The following MINK1 variants were observed in gnomAD, a reference collection of about 807,000 sequenced individuals.
MINK1 encodes misshapen-like kinase 1.
Under a neutral mutation model 178.4 loss-of-function variants are expected in MINK1, and 46 were observed. The ratio of observed to expected loss-of-function variants is 0.26; its 90% confidence interval spans 0.20 to 0.33. The LOEUF (loss-of-function observed/expected upper bound fraction) is 0.33, where lower values mean the gene tolerates loss of function less well. Ranked by LOEUF, MINK1 falls within the 10% of genes least tolerant of loss-of-function variation. The pLI, the probability that MINK1 is intolerant of heterozygous loss-of-function variation, is 1.00. For synonymous variants in MINK1, 797 were observed against 709.7 expected, an observed-to-expected ratio of 1.12 and a Z score of -1.96; for missense variants, 1,366 against 1,814.9, an observed-to-expected ratio of 0.75 and a Z score of 4.49.
At position 4,892,194 on chromosome 17, in the gene MINK1, G is replaced by A; in HGVS notation, c.2047G>A (p.Gly683Arg). ...SSIATALNTS[G>R]AGGSRPAQAV... ...TATCGCCACTGCCCTTAACACCAGT[G>A]GGGCCGGAGGGTCCCGGCCAGCCCA... Residue 683 changes from glycine to arginine, a missense_variant, in exon 17 of 32, where the codon GGG (glycine) becomes AGG (arginine). Gly to Arg is a moderately radical substitution (Grantham distance 125). Transcript: ENST00000355280. 3 of 1,599,668 alleles carry A rather than the reference G, an allele frequency of 1.9e-6. No individual in the cohort carries two copies. The highest frequency in any genetic ancestry group is 2.6e-6 in the Non-Finnish European group (3 of 1,174,144).
At chr17:4,897,177 G>T in intron 31 of MINK1, 27 bp from the exon 32 acceptor site, 1 of 1,604,490 alleles carries the variant, frequency 6.2e-7, no homozygotes, top group Non-Finnish European at 8.5e-7. Context: ...CTCAGCCCTT[G>T]GTGACTTCTT....
Position 4,892,146 on chromosome 17 carries a change from C to T in MINK1, c.2002-3C>T. The T allele has an allele frequency of 6.3e-7, 1 of 1,591,400 alleles. No homozygotes were observed. Among genetic ancestry groups the T allele is most frequent in the Non-Finnish European group, 8.5e-7 (1 of 1,169,666 alleles). ...CTCGCAGCACGTGGACTTCTCTCCA[C>T]AGGTGCCTCAGAGGACCTCATCTAT... On this transcript the variant is annotated splice_region_variant and splice_polypyrimidine_tract_variant and intron_variant, in intron 16 of 31. Coordinates refer to ENST00000355280, the MANE Select transcript of MINK1 (RefSeq NM_153827.5).
In MINK1 at chr17:4,896,618, TGCCCCGAGGTG is replaced by T; in HGVS notation, c.3775+37_3776-39del. 1.9e-6 allele frequency: 3 copies of T among 1,612,524 alleles called. No individual in the cohort carries two copies. The highest frequency in any genetic ancestry group is 2.5e-6 in the Non-Finnish European group (3 of 1,178,952). ...GTGAGCTGCCGCCCTCCCAGCCACA[TGCCCCGAGGTG>T]GCCCCGGGGTGCAGCCTGCTCAGCC... On this transcript the variant is annotated intron_variant, in intron 30 of 31. Transcript: ENST00000355280. The surrounding 1 kb of genome is among the most constrained non-coding windows in gnomAD (Gnocchi z 4.6).
Position 4,885,110 on chromosome 17 carries a change from G to A in MINK1, c.508+108G>A, listed in dbSNP as rs1362586333. 2 of 1,008,136 alleles carry A rather than the reference G, an allele frequency of 2.0e-6. No individual in the cohort carries two copies. The highest frequency in any genetic ancestry group is 2.9e-5 in the South Asian group (2 of 68,490). 62.4% of individuals were successfully genotyped at this position (1,008,136 alleles called of 1,614,324 possible). ...TCAGGCCCAACTCCCTTCCTACTGG[G>A]GAGGCTCACTCCCTCCCCTTTCCCC... is the stretch of plus-strand genomic sequence containing the variant. On this transcript the variant is annotated intron_variant, in intron 6 of 31. Coordinates refer to ENST00000355280, the MANE Select transcript of MINK1 (RefSeq NM_153827.5). The surrounding 1 kb of genome is among the most constrained non-coding windows in gnomAD (Gnocchi z 5.0).
In MINK1 at chr17:4,887,307, C is replaced by G; in HGVS notation, c.1019+128C>G. The G allele has an allele frequency of 1.0e-6, 1 of 990,714 alleles. No homozygotes were observed. The highest frequency in any genetic ancestry group is 1.5e-6 in the Non-Finnish European group (1 of 658,324). 61.4% of individuals were successfully genotyped at this position (990,714 alleles called of 1,614,324 possible). The stretch of plus-strand genomic sequence containing the variant: ...CAGAGAGGTAGAGACTCCTGGAAAC[C>G]AAATTTCTGAGTGCTAAGAAGTGGA... On this transcript the variant is annotated intron_variant, in intron 11 of 31. Transcript: ENST00000355280. The surrounding 1 kb of genome is among the most constrained non-coding windows in gnomAD (Gnocchi z 7.6).
In MINK1 at chr17:4,896,861, A is replaced by C; in HGVS notation, c.3915+48A>C. 4 of 1,518,122 alleles carry C rather than the reference A, an allele frequency of 2.6e-6. No homozygotes were observed. The highest frequency in any genetic ancestry group is 1.3e-5 in the South Asian group (1 of 74,930). 94.0% of individuals were successfully genotyped at this position (1,518,122 alleles called of 1,614,324 possible). The stretch of plus-strand genomic sequence containing the variant: ...AAGCCCTGCTGTCCCGGCTGCCATG[A>C]CCCTAGGCCCCTGGGCAGAGTTCTG... On this transcript the variant is annotated intron_variant, in intron 31 of 31. Coordinates refer to ENST00000355280, the MANE Select transcript of MINK1 (RefSeq NM_153827.5). This position sits in a 1 kb window ranked among gnomAD's most constrained non-coding sequence, Gnocchi z 4.6.
In MINK1 at chr17:4,891,801, G is replaced by A. The variant is rs547701574; in HGVS notation, c.2001+85G>A. On this transcript the variant is annotated intron_variant, in intron 16 of 31. Transcript: ENST00000355280. The stretch of plus-strand genomic sequence containing the variant: ...GCAGTGAAGGGGCAGGCCACATGGA[G>A]GAAGAGTGCAGGGCGGGAAGCGAGA... 5.3e-4 allele frequency: 786 copies of A among 1,476,146 alleles called. 1 individual carries two copies. Among genetic ancestry groups the A allele is most frequent in the Non-Finnish European group, 6.8e-4 (760 of 1,110,378 alleles). The allele number at this position is 1,476,146 out of a possible 1,614,324, so 91.4% of individuals were successfully genotyped here.
At chr17:4,866,467 A>C (rs1246386879) in intron 1 of MINK1, among the ~76,000 whole-genome samples, 1 of 151,938 alleles carries the variant, frequency 6.6e-6, no homozygotes, top group Admixed American at 6.6e-5. Flanking sequence ...CTCCGTCTCA[A>C]AATTAAAAAA....
At chr17:4,850,027 G>C (rs1911692019) in intron 1 of MINK1, among the ~76,000 whole-genome samples, 1 of 152,100 alleles carries the variant, frequency 6.6e-6, no homozygotes. Context: ...GCTCACTGCA[G>C]CCTCCTTGAA....
chr17:4,841,218 G>A (rs944799400), intron 1 of MINK1, among the ~76,000 whole-genome samples: 2 of 152,132 alleles, frequency 1.3e-5, no homozygotes, highest in Non-Finnish European at 2.9e-5. Context: ...CTCCGCACGG[G>A]CACTTCCGCC....
intron 4 of MINK1, among the ~76,000 whole-genome samples, chr17:4,881,843 A>G (rs1157654344): frequency 6.6e-6 from 1 of 152,198 alleles, no homozygotes; most frequent in African/African-American, 2.4e-5. Context: ...TGGTGCTGAC[A>G]TGTTCCCCCA....
At chr17:4,890,204 CCACACCCCGT>C in intron 13 of MINK1, 1 of 969,548 alleles carries the variant, frequency 1.0e-6, no homozygotes, top group Non-Finnish European at 1.3e-6. Flanking sequence ...GCCCCCCACC[CCACACCCCGT>C]CCCCCAGGAA....
chr17:4,859,871 A>ACCCTTT (rs1913850580), intron 1 of MINK1, among the ~76,000 whole-genome samples: 1 of 152,126 alleles, frequency 6.6e-6, no homozygotes, highest in Non-Finnish European at 1.5e-5. Flanking sequence ...CTTAAAAAAA[A>ACCCTTT]AACCTTTACC....
At chr17:4,851,089 T>A (rs951998718) in intron 1 of MINK1, 6 of 455,196 alleles carry the variant, frequency 1.3e-5, no homozygotes, top group Non-Finnish European at 2.7e-5. Flanking sequence ...GTTTCTTCTC[T>A]CCTGAACTGC....
At position 4,891,693 on chromosome 17, in the gene MINK1, C is replaced by T. The variant is rs1450189586; in HGVS notation, c.1978C>T (p.Pro660Ser). 1 of 1,602,810 alleles carries T rather than the reference C, an allele frequency of 6.2e-7. No individual in the cohort carries two copies. The highest frequency in any genetic ancestry group is 8.5e-7 in the Non-Finnish European group (1 of 1,175,418). Residue 660 changes from proline (P) to serine (S), a missense_variant, in exon 16 of 32, where the codon CCA (proline) becomes TCA (serine). Transcript: ENST00000355280. ...CCCGAATCCCCCAGCCTGGGTCCGCCCAGATAACGAGGCCCCACCCAAGGT... is the reference window on the plus strand; with the variant it reads ...CCCGAATCCCCCAGCCTGGGTCCGCTCAGATAACGAGGCCCCACCCAAGGT... ...PSPNPPAWVR[P>S]DNEAPPKVPQ...
intron 2 of MINK1, 144 bp downstream of exon 2, chr17:4,878,526 G>A: frequency 1.4e-6 from 1 of 712,402 alleles, no homozygotes; most frequent in East Asian, 3.0e-5. Flanking sequence ...GTAGAGTGGG[G>A]GAGAGGAAAG....
chr17:4,893,275 G>T (rs867136996), intron 20 of MINK1, 159 bp from the exon 21 acceptor site: 14 of 1,613,820 alleles, frequency 8.7e-6, no homozygotes, highest in Non-Finnish European at 1.1e-5. Context: ...TTCCCCTGCG[G>T]CCCCTCCCAG....
At chr17:4,870,514 C>A (rs931431093) in intron 1 of MINK1, among the ~76,000 whole-genome samples, 2 of 151,630 alleles carry the variant, frequency 1.3e-5, no homozygotes, top group Non-Finnish European at 2.9e-5. Context: ...ATTTACATAC[C>A]ATAAAATTTA....
intron 1 of MINK1, among the ~76,000 whole-genome samples, chr17:4,871,997 A>G (rs564037173): frequency 6.6e-6 from 1 of 152,236 alleles, no homozygotes; most frequent in South Asian, 2.1e-4. Context: ...CAAAACCACA[A>G]TGAGATACCA....
Sources: gnomAD v4.1 joint callset for allele counts (sites outside exome capture counted in the v4.1 genomes callset) on GRCh38, gnomAD v4.1.1 for gene constraint, Gnocchi (gnomAD v3.1) non-coding constraint, MANE v1.5 for transcripts, NCBI Gene and HGNC (gene_info 2026-07-23, HGNC 2026-07-21) for gene names.